BMPR1B: variants seen among roughly 807,000 people sequenced by gnomAD.
The protein encoded by BMPR1B is bone morphogenetic protein receptor type 1B.
BMPR1B carries 12 observed loss-of-function variants against 59.1 expected under a neutral mutation model. The observed-to-expected ratio is 0.20, with a 90% CI of 0.13 to 0.33. BMPR1B has a LOEUF of 0.33. Among genes scored for constraint, BMPR1B ranks in the 10% least tolerant of loss-of-function variants. The probability of loss-of-function intolerance (pLI) is 1.00; values close to 1 mark genes in which losing one functional copy is unlikely to be tolerated. For synonymous variants in BMPR1B, 237 were observed against 207.3 expected, an observed-to-expected ratio of 1.14 and a Z score of -1.23; for missense variants, 550 against 610.9, an observed-to-expected ratio of 0.90 and a Z score of 1.05.
At chr4:94,934,438 C>T (rs1247493303) in intron 2 of BMPR1B, among the ~76,000 whole-genome samples, 1 of 148,948 alleles carries the variant, frequency 6.7e-6, no homozygotes, top group African/African-American at 2.5e-5. Flanking sequence ...TCAGTGGGAA[C>T]TTTTCCCAGC....
intron 3 of BMPR1B, among the ~76,000 whole-genome samples, chr4:95,085,051 A>T (rs1455095804): frequency 6.6e-6 from 1 of 152,218 alleles, no homozygotes; most frequent in East Asian, 1.9e-4. Flanking sequence ...AGGCCTAAGC[A>T]CAGGCATCTC....
intron 2 of BMPR1B, among the ~76,000 whole-genome samples, chr4:94,931,373 G>A (rs527390110): frequency 3.6e-4 from 54 of 151,996 alleles, no homozygotes; most frequent in Non-Finnish European, 1.5e-4. Flanking sequence ...TTATGTTGCT[G>A]GAAATAATCA....
intron 2 of BMPR1B, among the ~76,000 whole-genome samples, chr4:94,887,846 C>T (rs1398699375): frequency 6.6e-6 from 1 of 151,742 alleles, no homozygotes; most frequent in Non-Finnish European, 1.5e-5. Flanking sequence ...AACTATAATC[C>T]AAGAAAATTT....
At chr4:94,920,132 AAAG>A (rs1728634296) in intron 2 of BMPR1B, among the ~76,000 whole-genome samples, 2 of 152,318 alleles carry the variant, frequency 1.3e-5, no homozygotes, top group African/African-American at 4.8e-5. Flanking sequence ...ATTGAATAAA[AAAG>A]AAAAGGGATG....
intron 6 of BMPR1B, among the ~76,000 whole-genome samples, chr4:95,116,585 T>C (rs1233158018): frequency 4.6e-5 from 7 of 152,040 alleles, no homozygotes; most frequent in Admixed American, 1.3e-4. Flanking sequence ...CATAATGGAA[T>C]TTCATGACTT....
At chr4:95,144,490 TAA>T (rs1210564583) in intron 10 of BMPR1B, among the ~76,000 whole-genome samples, 3 of 148,978 alleles carry the variant, frequency 2.0e-5, no homozygotes, top group African/African-American at 7.7e-5. Flanking sequence ...TTTTTTTTTT[TAA>T]AAAAAATACT....
At chr4:94,998,519 A>G (rs559066974) in intron 3 of BMPR1B, among the ~76,000 whole-genome samples, 3 of 152,066 alleles carry the variant, frequency 2.0e-5, no homozygotes, top group East Asian at 3.9e-4. Flanking sequence ...AATTACAGAC[A>G]TGCGCCACCA....
At chr4:95,005,336 G>T (rs1266726198) in intron 3 of BMPR1B, among the ~76,000 whole-genome samples, 1 of 152,072 alleles carries the variant, frequency 6.6e-6, no homozygotes, top group African/African-American at 2.4e-5. Context: ...GGTATTAATT[G>T]ATGGTATTAG....
intron 1 of BMPR1B, among the ~76,000 whole-genome samples, chr4:94,765,245 G>A (rs1398295478): frequency 2.0e-5 from 3 of 152,078 alleles, no homozygotes; most frequent in African/African-American, 4.8e-5. Context: ...ATGTGTGTGT[G>A]TATCCCTTAA....
intron 2 of BMPR1B, among the ~76,000 whole-genome samples, chr4:94,902,168 G>T (rs956632289): frequency 7.4e-6 from 1 of 134,700 alleles, no homozygotes; most frequent in Non-Finnish European, 1.5e-5. Flanking sequence ...GAATATAGCA[G>T]TTGAAGTGAA....
intron 3 of BMPR1B, among the ~76,000 whole-genome samples, chr4:95,070,806 T>C (rs1728223772): frequency 6.6e-6 from 1 of 152,142 alleles, no homozygotes; most frequent in Non-Finnish European, 1.5e-5. Flanking sequence ...AAAAATGTAT[T>C]GTACATTTTG....
intron 3 of BMPR1B, among the ~76,000 whole-genome samples, chr4:95,043,385 A>G (rs1725810935): frequency 6.6e-6 from 1 of 152,098 alleles, no homozygotes; most frequent in Non-Finnish European, 1.5e-5. Flanking sequence ...TTTAATTAGC[A>G]AATTTACTAA....
intron 2 of BMPR1B, among the ~76,000 whole-genome samples, chr4:94,883,324 T>C (rs1727053251): frequency 6.6e-6 from 1 of 152,188 alleles, no homozygotes; most frequent in East Asian, 1.9e-4. Context: ...AAGGAGTCTC[T>C]GTTCAAACAA....
Position 95,015,431 on chromosome 4 carries a change from G to A in BMPR1B, c.-18+19297G>A, listed in dbSNP as rs562064167. Among the ~76,000 whole-genome samples the A allele has an allele frequency of 1.7e-4, 26 of 152,152 alleles. 1 individual carries two copies. The South Asian group carries it at 2.3e-3, about 13-fold the overall frequency. ...TTCTTTTTTTGATTGTTGTTGCCCC[G>A]TCTGGACTGCAGTGGTGCTGTCATA... On this transcript the variant is annotated intron_variant, in intron 3 of 12. Coordinates refer to ENST00000515059, the MANE Select transcript of BMPR1B (RefSeq NM_001203.3).
intron 1 of BMPR1B, among the ~76,000 whole-genome samples, chr4:94,823,521 T>C (rs1184752237): frequency 1.3e-5 from 2 of 152,148 alleles, no homozygotes; most frequent in Non-Finnish European, 2.9e-5. Context: ...GAGAGACAAC[T>C]AGCAGAGGAG....
chr4:94,815,850 T>C (rs1578676266), intron 1 of BMPR1B, among the ~76,000 whole-genome samples: 2 of 152,390 alleles, frequency 1.3e-5, no homozygotes, highest in South Asian at 2.1e-4. Flanking sequence ...TTTTTCTCTT[T>C]CTGCACTTTT....
rs533005954 is a variant in BMPR1B at position 95,054,141 on chromosome 4, A to G, written c.-17-50267A>G. On this transcript the variant is annotated intron_variant, in intron 3 of 12. Transcript: ENST00000515059. ...TGGAGAATGTGAGCATCAGGTGCAT[A>G]AAAATATTTTGTTAAATATATGGAA... Among the ~76,000 whole-genome samples, 5 of 152,334 alleles carry G rather than the reference A, an allele frequency of 3.3e-5. No individual in the cohort carries two copies. The East Asian group carries it at 5.8e-4, about 18-fold the overall frequency.
At chr4:94,844,489 C>T (rs1367568675) in intron 1 of BMPR1B, among the ~76,000 whole-genome samples, 1 of 152,140 alleles carries the variant, frequency 6.6e-6, no homozygotes, top group African/African-American at 2.4e-5. Context: ...TGGTCAGCTT[C>T]TCTGCTCAAG....
chr4:95,043,093 T>C (rs1415342890), intron 3 of BMPR1B, among the ~76,000 whole-genome samples: 1 of 138,882 alleles, frequency 7.2e-6, no homozygotes, highest in Non-Finnish European at 1.5e-5. Flanking sequence ...GAGAATGGCG[T>C]GAACCCGGGA....
Sources: gnomAD v4.1 joint callset for allele counts (sites outside exome capture counted in the v4.1 genomes callset) on GRCh38, gnomAD v4.1.1 for gene constraint, MANE v1.5 for transcripts, NCBI Gene and HGNC (gene_info 2026-07-23, HGNC 2026-07-21) for gene names.